The following RBM15 variants were observed in gnomAD, a reference collection of about 807,000 sequenced individuals.
RBM15 encodes RNA-binding protein 15.
In RBM15, 8 loss-of-function variants were observed where a neutral mutation model predicts 62.6. The ratio of observed to expected loss-of-function variants is 0.13; its 90% CI spans 0.07 to 0.23. RBM15 has a LOEUF of 0.23. RBM15 is among the 10% of genes least tolerant of loss of function. The probability of loss-of-function intolerance (pLI) is 1.00; values close to 1 mark genes in which losing one functional copy is unlikely to be tolerated. For synonymous variants in RBM15, 606 were observed against 505.7 expected, an observed-to-expected ratio of 1.20 and a Z score of -2.66; for missense variants, 1,144 against 1,286.5, an observed-to-expected ratio of 0.89 and a Z score of 1.69.
chr1:110,340,918 G>A lies in RBM15; in HGVS notation c.1513G>A (p.Ala505Thr). ...IQYESLDAAH[A>T]AWTHMRGFPL... Reference sequence around the variant, plus strand: ...GTATGAAAGCCTGGATGCAGCGCATGCTGCCTGGACCCATATGCGGGGCTT... The same window carrying A: ...GTATGAAAGCCTGGATGCAGCGCATACTGCCTGGACCCATATGCGGGGCTT... The change falls in exon 1 of 3, where the codon GCT becomes ACT. Residue 505 changes from alanine (A) to threonine (T), a missense_variant. This residue lies in a region of RBM15 where 105 missense variants were observed against 193.6 expected (regional missense o/e 0.54). Transcript: ENST00000369784. The surrounding 1 kb of genome is among the most constrained non-coding windows in gnomAD (Gnocchi z 5.8). 6.2e-7 allele frequency: 1 copy of A among 1,614,230 alleles called. No individual in the cohort carries two copies. Among genetic ancestry groups the A allele is most frequent in the Non-Finnish European group, 8.5e-7 (1 of 1,180,036 alleles).
At position 110,339,862 on chromosome 1, in the gene RBM15, T is replaced by A; in HGVS notation, c.457T>A (p.Ser153Thr). The A allele has an allele frequency of 6.2e-7, 1 of 1,600,678 alleles. No individual in the cohort carries two copies. The highest frequency in any genetic ancestry group is 8.5e-7 in the Non-Finnish European group (1 of 1,170,246). ...CCGGGGTGGAGGCGGGGAGTCACGT[T>A]CCTCTGGGGCCGCCTCCTCAGCTCC... ...SSRGGGGESR[S>T]SGAASSAPGG... The change falls in exon 1 of 3, where the codon TCC becomes ACC. Residue 153 changes from serine (S) to threonine (T), a missense_variant. Physicochemically the swap from Ser to Thr is moderately conservative, Grantham distance 58. Transcript: ENST00000369784.
chr1:110,345,782 G>A (rs1261307238), intron 2 of RBM15, 133 bp downstream of exon 2: 4 of 615,404 alleles, frequency 6.5e-6, no homozygotes, highest in Admixed American at 3.0e-5. Flanking sequence ...TTAAAATAAC[G>A]GCTGCTGTCT....
chr1:110,345,760 A>G, intron 2 of RBM15, 111 bp downstream of exon 2: 2 of 675,896 alleles, frequency 3.0e-6, no homozygotes, highest in South Asian at 2.3e-5. Context: ...AATTATTTGT[A>G]TGAGTGTTTT....
In RBM15 at chr1:110,342,377, A is replaced by T. The variant is rs527323436; in HGVS notation, c.2863+109A>T. 5.0e-5 allele frequency: 39 copies of T among 781,180 alleles called. No individual in the cohort carries two copies. The East Asian group carries it at 8.1e-4, about 16-fold the overall frequency. The allele number at this position is 781,180 out of a possible 1,614,324, so 48.4% of individuals were successfully genotyped here. On this transcript the variant is annotated intron_variant, in intron 1 of 2. Coordinates refer to ENST00000369784, the MANE Select transcript of RBM15 (RefSeq NM_022768.5). ...AGATGCAATTTTCTTTTTAGTTGTT[A>T]GTTGTAGCATTTTCTTTTTTATATT...
rs2101142551 is a variant in RBM15 at position 110,341,775 on chromosome 1, C to T, written c.2370C>T (p.Gly790=). Residue 790 remains glycine (G), a synonymous_variant, in exon 1 of 3, where the codon GGC becomes GGT. Coordinates refer to ENST00000369784, the MANE Select transcript of RBM15 (RefSeq NM_022768.5). The surrounding 1 kb of genome is among the most constrained non-coding windows in gnomAD (Gnocchi z 4.5). ...ASPKLCLAWQ[G]MLLLKNSNFP... ...CCAAACTCTGTTTGGCCTGGCAGGG[C>T]ATGCTTCTACTGAAGAACAGCAACT... 2 of 1,614,204 alleles carry T rather than the reference C, an allele frequency of 1.2e-6. No individual in the cohort carries two copies. The highest frequency in any genetic ancestry group is 1.7e-6 in the Non-Finnish European group (2 of 1,180,038).
rs1019465135 is a variant in RBM15 at position 110,341,112 on chromosome 1, A to G, written c.1707A>G (p.Pro569=). The G allele has an allele frequency of 6.2e-7, 1 of 1,614,088 alleles. No homozygotes were observed. Among genetic ancestry groups the G allele is most frequent in the Non-Finnish European group, 8.5e-7 (1 of 1,180,008 alleles). The change falls in exon 1 of 3, where the codon CCA becomes CCG. Residue 569 remains proline, a synonymous_variant. Coordinates refer to ENST00000369784, the MANE Select transcript of RBM15 (RefSeq NM_022768.5). This position sits in a 1 kb window ranked among gnomAD's most constrained non-coding sequence, Gnocchi z 4.5. ...DPLRGARDRT[P]PLLYRDRDRD... ...TGAGGGGTGCTCGGGATAGGACACC[A>G]CCCTTACTATACAGAGATCGTGATA... is the stretch of plus-strand genomic sequence containing the variant.
chr1:110,342,356 G>T, intron 1 of RBM15, 88 bp downstream of exon 1: 1 of 1,049,804 alleles, frequency 9.5e-7, no homozygotes, highest in South Asian at 2.4e-5. Context: ...AGCATCAGAT[G>T]CAATTTTCTT....
At position 110,339,527 on chromosome 1, in the gene RBM15, G is replaced by T; in HGVS notation, c.122G>T (p.Arg41Leu). 1.2e-6 allele frequency: 2 copies of T among 1,601,654 alleles called. No homozygotes were observed. The highest frequency in any genetic ancestry group is 1.7e-6 in the Non-Finnish European group (2 of 1,171,276). ...CAGCTCCGCGGAGACGACCTCCGAC[G>T]ACCCGCAACAATGAAGGGAAAAGAG... ...VTQLRGDDLR[R>L]PATMKGKERS... Residue 41 changes from arginine (R) to leucine (L), a missense_variant, in exon 1 of 3, where the codon CGA becomes CTA. By Grantham distance (102) the Arg-to-Leu change is moderately radical. Around this residue, in one of 8 missense-constraint regions of RBM15, gnomAD observed 298 missense variants for 250.0 expected, o/e 1.19. Transcript: ENST00000369784.
chr1:110,343,387 AT>A lies in RBM15; in HGVS notation c.2863+1123del, dbSNP rs1660840316. 2.0e-5 allele frequency among the ~76,000 whole-genome samples: 3 copies of A among 152,190 alleles called. No individual in the cohort carries two copies. In the South Asian group the frequency reaches 6.2e-4, roughly 31 times the overall value. On this transcript the variant is annotated intron_variant, in intron 1 of 2. Transcript: ENST00000369784. ...TGAAAATGTTTTGAACATCTTGGAA[AT>A]TTTATGTTCAATATTCTCACTGCTG...
chr1:110,345,939 T>A (rs2100943168), intron 2 of RBM15, among the ~76,000 whole-genome samples: 1 of 152,324 alleles, frequency 6.6e-6, no homozygotes, highest in South Asian at 2.1e-4. Flanking sequence ...TTTTATAGTT[T>A]CACTTTTTAA....
At chr1:110,342,810 G>A (rs1292078401) in intron 1 of RBM15, 1 of 152,314 alleles carries the variant, frequency 6.6e-6, no homozygotes, top group East Asian at 1.9e-4. Flanking sequence ...TTTTAATCAG[G>A]TATTTGAGTA....
rs565085294 is a variant in RBM15, at chr1:110,344,956, T to C, written c.2864-583T>C. On this transcript the variant is annotated intron_variant, in intron 1 of 2. Coordinates refer to ENST00000369784, the MANE Select transcript of RBM15 (RefSeq NM_022768.5). ...AGACTTTTAGATCACAGCTTCAAAT[T>C]TTATGGAAAATTAAGCAAGCAATAC... 3.9e-5 allele frequency among the ~76,000 whole-genome samples: 6 copies of C among 152,304 alleles called. No individual in the cohort carries two copies. The South Asian group carries it at 1.2e-3, about 32-fold the overall frequency.
At position 110,341,245 on chromosome 1, in the gene RBM15, C is replaced by T. The variant is rs780243194; in HGVS notation, c.1840C>T (p.Leu614=). ...SVPAYEPLDS[L]DRRRDGWSLD... ...GCCTGCTTACGAGCCACTGGATAGCCTAGATCGCAGGCGGGATGGTTGGTC... is the reference window on the plus strand; with the variant it reads ...GCCTGCTTACGAGCCACTGGATAGCTTAGATCGCAGGCGGGATGGTTGGTC... The change falls in exon 1 of 3, where the codon CTA becomes TTA. Residue 614 remains leucine (L), a synonymous_variant. Transcript: ENST00000369784. The surrounding 1 kb of genome is among the most constrained non-coding windows in gnomAD (Gnocchi z 4.5). The T allele has an allele frequency of 1.2e-6, 2 of 1,614,138 alleles. No homozygotes were observed. Among genetic ancestry groups the T allele is most frequent in the South Asian group, 2.2e-5 (2 of 91,082 alleles).
chr1:110,344,006 T>C (rs1660852486), intron 1 of RBM15, among the ~76,000 whole-genome samples: 1 of 152,238 alleles, frequency 6.6e-6, no homozygotes, highest in Non-Finnish European at 1.5e-5. Flanking sequence ...GGTTTTTGTT[T>C]GTTTGTTTTT....
chr1:110,342,518 C>T, intron 1 of RBM15: 1 of 400,254 alleles, frequency 2.5e-6, no homozygotes, highest in Non-Finnish European at 4.4e-6. Context: ...GACAGATTTG[C>T]TTTAATTAGG....
Position 110,346,582 on chromosome 1 carries a change from G to T in RBM15, c.*315G>T. The T allele has an allele frequency of 1.9e-6, 1 of 535,640 alleles. No homozygotes were observed. Among genetic ancestry groups the T allele is most frequent in the South Asian group, 2.7e-5 (1 of 36,822 alleles). 33.2% of individuals were successfully genotyped at this position (535,640 alleles called of 1,614,324 possible). Reference sequence around the variant, plus strand: ...AAAAGTAAAGAAAAACCCTTTTTATGGCTCACACAGCTTAAGAGTAGCTGT... The same window carrying T: ...AAAAGTAAAGAAAAACCCTTTTTATTGCTCACACAGCTTAAGAGTAGCTGT... On this transcript the variant is annotated 3_prime_UTR_variant, in exon 3 of 3. Coordinates refer to ENST00000369784, the MANE Select transcript of RBM15 (RefSeq NM_022768.5).
At position 110,346,398 on chromosome 1, in the gene RBM15, T is replaced by C. The variant is rs758223362; in HGVS notation, c.*131T>C. ...AGTTGTGGCTTATGTGGAGTTTACA[T>C]GGGCCTCTGATGGAAGAAAGCTAAT... On this transcript the variant is annotated 3_prime_UTR_variant, in exon 3 of 3. Transcript: ENST00000369784. 5.2e-6 allele frequency: 8 copies of C among 1,547,776 alleles called. No individual in the cohort carries two copies. The East Asian group carries it at 1.8e-4, about 35-fold the overall frequency.
rs750634548 is a variant in RBM15 at position 110,340,337 on chromosome 1, C to T, written c.932C>T (p.Ala311Val). Residue 311 changes from alanine to valine, a missense_variant, in exon 1 of 3, where the codon GCT (alanine) becomes GTT (valine). Ala to Val is a moderately conservative substitution (Grantham distance 64, BLOSUM62 0). This residue lies in a region of RBM15 where 188 missense variants were observed against 185.6 expected (regional missense o/e 1.01). Coordinates refer to ENST00000369784, the MANE Select transcript of RBM15 (RefSeq NM_022768.5). This position sits in a 1 kb window ranked among gnomAD's most constrained non-coding sequence, Gnocchi z 5.8. Reference sequence around the variant, plus strand: ...AGAGACTACCGGCTGCAGCAGTTGGCTCTTGGCCGCCTGCCCCCTCCACCT... The same window carrying T: ...AGAGACTACCGGCTGCAGCAGTTGGTTCTTGGCCGCCTGCCCCCTCCACCT... Reference protein sequence around the residue: ...GYRDYRLQQLALGRLPPPPPP... With the variant: ...GYRDYRLQQLVLGRLPPPPPP... 1.2e-6 allele frequency: 2 copies of T among 1,614,232 alleles called. No homozygotes were observed. The highest frequency in any genetic ancestry group is 8.5e-7 in the Non-Finnish European group (1 of 1,180,042).
rs757906873 is a variant in RBM15 at position 110,341,931 on chromosome 1, G to A, written c.2526G>A (p.Leu842=). ...TQRLRLDQPK[L]DEVTRRIKVA... ...GTCTCCGTTTGGACCAGCCCAAGTT[G>A]GATGAAGTAACTCGACGCATCAAAG... Residue 842 remains leucine, a synonymous_variant, in exon 1 of 3, where the codon TTG becomes TTA. Transcript: ENST00000369784. The surrounding 1 kb of genome is among the most constrained non-coding windows in gnomAD (Gnocchi z 4.5). 1.2e-6 allele frequency: 2 copies of A among 1,614,090 alleles called. No homozygotes were observed.
Sources: allele counts gnomAD v4.1 joint callset (sites outside exome capture counted in the v4.1 genomes callset), GRCh38; gene constraint gnomAD v4.1.1; regional missense constraint gnomAD v4.1.1; non-coding constraint Gnocchi (gnomAD v3.1); transcripts MANE v1.5; gene names NCBI Gene and HGNC (gene_info 2026-07-23, HGNC 2026-07-21).